The following FRMPD4 variants were observed in gnomAD, a reference collection of about 807,000 sequenced individuals.
The protein encoded by FRMPD4 is FERM and PDZ domain-containing protein 4.
Under a neutral mutation model 94.1 loss-of-function variants are expected in FRMPD4, and 22 were observed. That is an observed-to-expected ratio of 0.23 (90% confidence interval 0.17 to 0.33). The LOEUF is 0.33. Ranked by LOEUF, FRMPD4 falls within the 10% of genes least tolerant of loss-of-function variation. The pLI, the probability that FRMPD4 is intolerant of heterozygous loss-of-function variation, is 1.00. For synonymous variants in FRMPD4, 631 were observed against 548.6 expected (o/e 1.15, Z -2.10); for missense variants, 1,111 against 1,339.9 (o/e 0.83, Z 2.67).
chrX:11,958,433 G>A (rs759822033), intron 3 of FRMPD4, among the ~76,000 whole-genome samples: 3 of 111,879 alleles, frequency 2.7e-5, no homozygotes, highest in African/African-American at 9.7e-5. Flanking sequence ...AAAAGTTGAG[G>A]AAAGCAAAAA....
intron 3 of FRMPD4, among the ~76,000 whole-genome samples, chrX:12,105,942 A>T (rs1220703315): frequency 8.9e-6 from 1 of 112,286 alleles, no homozygotes; most frequent in Non-Finnish European, 1.9e-5. Flanking sequence ...GAGAGTGAAC[A>T]TATTTTAATT....
At chrX:11,992,987 G>GTTT (rs58882086) in intron 3 of FRMPD4, among the ~76,000 whole-genome samples, 1,234 of 89,259 alleles carry the variant, frequency 0.014, 11 homozygotes, top group African/African-American at 0.029. Flanking sequence ...CTGGTCCTTT[G>GTTT]TTTTTTTTTT....
At chrX:12,092,881 G>C (rs2055166541) in intron 3 of FRMPD4, among the ~76,000 whole-genome samples, 1 of 111,675 alleles carries the variant, frequency 9.0e-6, no homozygotes, top group Admixed American at 9.5e-5. Flanking sequence ...TCAGCAAAGG[G>C]AATGGGAAGT....
At chrX:12,316,650 C>A (rs1281253580) in intron 1 of FRMPD4, among the ~76,000 whole-genome samples, 1 of 111,420 alleles carries the variant, frequency 9.0e-6, no homozygotes, top group African/African-American at 3.3e-5. Flanking sequence ...TTTGCATTCA[C>A]TTCTGAAATG....
At chrX:12,213,336 C>A (rs1261919251) in intron 1 of FRMPD4, among the ~76,000 whole-genome samples, 1 of 112,214 alleles carries the variant, frequency 8.9e-6, no homozygotes, top group Non-Finnish European at 1.9e-5. Flanking sequence ...AAAGCCATAA[C>A]TTTAGGTGAC....
intron 2 of FRMPD4, among the ~76,000 whole-genome samples, chrX:12,562,959 A>AT (rs907123170): frequency 9.0e-6 from 1 of 111,435 alleles, no homozygotes; most frequent in African/African-American, 3.3e-5. Context: ...TGGTAAAGAC[A>AT]TTTTTTCCCA....
intron 1 of FRMPD4, among the ~76,000 whole-genome samples, chrX:12,478,947 T>C (rs1167265942): frequency 1.8e-5 from 2 of 111,802 alleles, no homozygotes; most frequent in East Asian, 2.8e-4. Flanking sequence ...TTGAAAGTTT[T>C]GAGAATCAAT....
intron 1 of FRMPD4, among the ~76,000 whole-genome samples, chrX:12,364,247 T>A (rs1223660907): frequency 9.0e-6 from 1 of 111,348 alleles, no homozygotes; most frequent in Non-Finnish European, 1.9e-5. Flanking sequence ...GACAGTTTGT[T>A]ACAGTTCCCA....
intron 3 of FRMPD4, among the ~76,000 whole-genome samples, chrX:12,613,265 A>G (rs1381835025): frequency 8.9e-6 from 1 of 111,759 alleles, no homozygotes; most frequent in African/African-American, 3.3e-5. Flanking sequence ...CTTCACTCAG[A>G]TGTGGTTTTA....
chrX:11,993,568 TACAAAAACAAAA>T (rs1032271127), intron 3 of FRMPD4, among the ~76,000 whole-genome samples: 6 of 111,797 alleles, frequency 5.4e-5, no homozygotes, highest in Non-Finnish European at 1.1e-4. Flanking sequence ...AAATAGAGAG[TACAAAAACAAAA>T]ACAAAAACAG....
At chrX:12,053,972 C>CAAGG (rs1028418028) in intron 3 of FRMPD4, among the ~76,000 whole-genome samples, 1 of 111,706 alleles carries the variant, frequency 9.0e-6, no homozygotes, top group African/African-American at 3.3e-5. Flanking sequence ...GGAAATTTAG[C>CAAGG]AAGGCCTGTC....
intron 1 of FRMPD4, among the ~76,000 whole-genome samples, chrX:12,197,644 A>G (rs1050633994): frequency 3.6e-5 from 4 of 112,017 alleles, no homozygotes; most frequent in Non-Finnish European, 7.5e-5. Context: ...TGACTTTTGT[A>G]CACAGAAAAG....
intron 1 of FRMPD4, among the ~76,000 whole-genome samples, chrX:12,358,150 T>C (rs1486901911): frequency 8.9e-6 from 1 of 112,245 alleles, no homozygotes; most frequent in African/African-American, 3.2e-5. Context: ...TATGAGCGTG[T>C]GGGTTGTTAT....
chrX:12,642,874 G>C (rs992405183), intron 4 of FRMPD4, among the ~76,000 whole-genome samples: 3 of 112,016 alleles, frequency 2.7e-5, no homozygotes, highest in African/African-American at 6.5e-5. Flanking sequence ...TTTAACTCTG[G>C]CCTGAGTGAC....
In FRMPD4 at chrX:11,898,451, AAC is replaced by A. The variant is rs764530835; in HGVS notation, c.95+20438_95+20439del. On this transcript the variant is annotated intron_variant, in intron 3 of 18. Transcript: ENST00000640291. ...TCCTCTCAAACATCCTTCACTTTGAAACACACTCTAGATGCAGTCCCTGGACC... is the reference window on the plus strand; with the variant it reads ...TCCTCTCAAACATCCTTCACTTTGAAACACTCTAGATGCAGTCCCTGGACC... Among the ~76,000 whole-genome samples, 40 of 111,418 alleles carry A rather than the reference AAC, an allele frequency of 3.6e-4. No homozygotes were observed. In the East Asian group the frequency reaches 6.2e-3, roughly 17 times the overall value.
intron 1 of FRMPD4, among the ~76,000 whole-genome samples, chrX:12,346,673 C>G (rs1162814531): frequency 9.0e-6 from 1 of 111,451 alleles, no homozygotes; most frequent in Non-Finnish European, 1.9e-5. Context: ...AAAAATGGAG[C>G]ATACTTTTTT....
chrX:12,192,651 T>C (rs1015932025), intron 1 of FRMPD4, among the ~76,000 whole-genome samples: 21 of 111,834 alleles, frequency 1.9e-4, no homozygotes, highest in African/African-American at 6.5e-4. Flanking sequence ...TTTCCAAATT[T>C]AACTAAGTGT....
chrX:12,220,174 CA>C (rs2056849761), intron 1 of FRMPD4, among the ~76,000 whole-genome samples: 1 of 108,983 alleles, frequency 9.2e-6, no homozygotes, highest in South Asian at 3.9e-4. Context: ...ACAACAACAA[CA>C]ACAACACAAA....
At chrX:12,057,717 G>A (rs893567734) in intron 3 of FRMPD4, among the ~76,000 whole-genome samples, 3 of 110,979 alleles carry the variant, frequency 2.7e-5, no homozygotes, top group Non-Finnish European at 3.8e-5. Context: ...CGAGCCTGGG[G>A]ATCACCTTAG....
Sources: allele counts gnomAD v4.1 joint callset (sites outside exome capture counted in the v4.1 genomes callset), GRCh38; gene constraint gnomAD v4.1.1; transcripts MANE v1.5; gene names NCBI Gene and HGNC (gene_info 2026-07-23, HGNC 2026-07-21).